FBLN5: variants seen among roughly 807,000 people sequenced by gnomAD.
FBLN5 encodes fibulin 5, also known as fibulin-5.
Under a neutral mutation model 61.6 loss-of-function variants are expected in FBLN5, and 24 were observed. That is an observed-to-expected ratio of 0.39 (90% CI 0.28 to 0.55). The LOEUF (loss-of-function observed/expected upper bound fraction) is 0.55. Among genes scored for constraint, FBLN5 ranks in the 20% least tolerant of loss-of-function variants. The pLI, the probability that FBLN5 is intolerant of heterozygous loss-of-function variation, is 0.65. For missense variants in FBLN5, 470 were observed against 594.1 expected, an observed-to-expected ratio of 0.79 and a Z score of 2.17; for synonymous variants, 213 against 219.8, an observed-to-expected ratio of 0.97 and a Z score of 0.27.
At chr14:91,877,458 T>A (rs764911206) in intron 10 of FBLN5, 29 bp downstream of exon 10, 1 of 1,570,062 alleles carries the variant, frequency 6.4e-7, no homozygotes. Context: ...CTGTTACAGA[T>A]GGCGTCCCCA....
intron 10 of FBLN5, among the ~76,000 whole-genome samples, chr14:91,871,167 T>TA (rs1290765918): frequency 6.9e-6 from 1 of 144,592 alleles, no homozygotes; most frequent in Admixed American, 7.0e-5. Context: ...ATAAAAGTTT[T>TA]AAAAAACGTT....
At chr14:91,895,628 G>A (rs568495952) in intron 4 of FBLN5, among the ~76,000 whole-genome samples, 12 of 151,494 alleles carry the variant, frequency 7.9e-5, no homozygotes, top group South Asian at 4.2e-4. Context: ...GTGAAACCCC[G>A]TCTCTACTAA....
rs2056200286 is a variant in FBLN5, at chr14:91,947,291, G to T, written c.-62C>A. The T allele has an allele frequency of 5.6e-6, 9 of 1,609,014 alleles. No individual in the cohort carries two copies. Among genetic ancestry groups the T allele is most frequent in the African/African-American group, 1.3e-5 (1 of 74,804 alleles). ...AGAAAGCTCGCGGGCGGGACCCCCG[G>T]AGGAGCTCGGGCACGTCGGCCTCCT... On this transcript the variant is annotated 5_prime_UTR_variant, in exon 1 of 11. Coordinates refer to ENST00000342058, the MANE Select transcript of FBLN5 (RefSeq NM_006329.4). This position sits in a 1 kb window ranked among gnomAD's most constrained non-coding sequence, Gnocchi z 4.3.
At position 91,919,346 on chromosome 14, in the gene FBLN5, A is replaced by G. The variant is rs1321675431; in HGVS notation, c.379+17601T>C. Among the ~76,000 whole-genome samples, 7 of 85,468 alleles carry G rather than the reference A, an allele frequency of 8.2e-5. 1 individual carries two copies. Among genetic ancestry groups the G allele is most frequent in the Admixed American group, 4.0e-4 (3 of 7,504 alleles). 56.1% of individuals were successfully genotyped at this position (85,468 alleles called of 152,430 possible). A position where few individuals can be genotyped will look rare whatever the true frequency, so the allele number is the denominator to read the frequency against. On this transcript the variant is annotated intron_variant, in intron 4 of 10. Transcript: ENST00000342058. Reference sequence around the variant, plus strand: ...ACTCTGTCTCAAAAAAAAGAAAAAAAAAAAGAAAAGAAAAGAAAAGAAAAG... The same window carrying G: ...ACTCTGTCTCAAAAAAAAGAAAAAAGAAAAGAAAAGAAAAGAAAAGAAAAG...
In FBLN5 at chr14:91,870,339, T is replaced by C. The variant is rs1233199832; in HGVS notation, c.1232A>G (p.Lys411Arg). 1.9e-6 allele frequency: 3 copies of C among 1,614,078 alleles called. No homozygotes were observed. The highest frequency in any genetic ancestry group is 1.3e-5 in the African/African-American group (1 of 75,068). ...GTCCAGCTGGATTTCCCGGGGCCCT[T>C]TGATGGGGCGTGTCATCACCAGGGT... is the stretch of plus-strand genomic sequence containing the variant. ...SATLVMTRPIKGPREIQLDLE... is the reference protein window; with the variant it reads ...SATLVMTRPIRGPREIQLDLE... The change falls in exon 11 of 11, where the codon AAA becomes AGA. Residue 411 changes from lysine to arginine, a missense_variant. Coordinates refer to ENST00000342058, the MANE Select transcript of FBLN5 (RefSeq NM_006329.4).
At chr14:91,918,640 T>C (rs965895131) in intron 4 of FBLN5, among the ~76,000 whole-genome samples, 1 of 152,194 alleles carries the variant, frequency 6.6e-6, no homozygotes, top group Non-Finnish European at 1.5e-5. Flanking sequence ...CTTGACTTTG[T>C]CTACGAGTGC....
intron 4 of FBLN5, among the ~76,000 whole-genome samples, chr14:91,918,799 G>C (rs528038413): frequency 6.6e-6 from 1 of 152,290 alleles, no homozygotes; most frequent in South Asian, 2.1e-4. Flanking sequence ...CTGCAAGACA[G>C]GAGATAGGGG....
chr14:91,944,266 C>G (rs1247479218), intron 1 of FBLN5, among the ~76,000 whole-genome samples: 2 of 152,166 alleles, frequency 1.3e-5, no homozygotes, highest in Non-Finnish European at 2.9e-5. Flanking sequence ...TACAAAATCT[C>G]TACTACTTCA....
intron 2 of FBLN5, chr14:91,942,204 G>T (rs1363793639): frequency 2.2e-6 from 1 of 455,728 alleles, no homozygotes; most frequent in Non-Finnish European, 4.4e-6. Context: ...CCAGGATGCT[G>T]CAAGCTTCTT....
At chr14:91,942,540 G>A (rs2056122007) in intron 2 of FBLN5, among the ~76,000 whole-genome samples, 1 of 152,228 alleles carries the variant, frequency 6.6e-6, no homozygotes, top group East Asian at 1.9e-4. Context: ...TGGATGCTGG[G>A]CTTAATACCT....
Position 91,897,122 on chromosome 14 carries a change from C to T in FBLN5, c.380-2050G>A, listed in dbSNP as rs919734689. Among the ~76,000 whole-genome samples, 25 of 152,094 alleles carry T rather than the reference C, an allele frequency of 1.6e-4. 1 individual carries two copies. The highest frequency in any genetic ancestry group is 4.8e-4 in the African/African-American group (20 of 41,418). On this transcript the variant is annotated intron_variant, in intron 4 of 10. Coordinates refer to ENST00000342058, the MANE Select transcript of FBLN5 (RefSeq NM_006329.4). The stretch of plus-strand genomic sequence containing the variant: ...TGGCTTTCCCTCCTCTAAACATGAA[C>T]GACCTCCAAGAACCTAGTGCCAAGA...
At chr14:91,907,138 G>A (rs1260088402) in intron 4 of FBLN5, among the ~76,000 whole-genome samples, 2 of 152,188 alleles carry the variant, frequency 1.3e-5, no homozygotes, top group African/African-American at 4.8e-5. Context: ...GTGAAGTGTG[G>A]CTATGTGACT....
intron 4 of FBLN5, among the ~76,000 whole-genome samples, chr14:91,904,377 A>G (rs928130254): frequency 1.3e-5 from 2 of 152,192 alleles, no homozygotes; most frequent in Non-Finnish European, 1.5e-5. Context: ...TCTAGTGGAC[A>G]TTGGCTGACA....
rs1890481907 is a variant in FBLN5, at chr14:91,902,235, C to T, written c.380-7163G>A. On this transcript the variant is annotated intron_variant, in intron 4 of 10. Coordinates refer to ENST00000342058, the MANE Select transcript of FBLN5 (RefSeq NM_006329.4). ...ATGTCCTGAGAGGAAGGGGACAAGT[C>T]ATGTCTAATGTCAATCTAGACATGG... Among the ~76,000 whole-genome samples, 3 of 150,996 alleles carry T rather than the reference C, an allele frequency of 2.0e-5. No individual in the cohort carries two copies. The South Asian group carries it at 6.3e-4, about 32-fold the overall frequency.
chr14:91,902,281 GTTT>G lies in FBLN5; in HGVS notation c.380-7212_380-7210del, dbSNP rs1555376457. 2.4e-3 allele frequency among the ~76,000 whole-genome samples: 69 copies of G among 29,072 alleles called. 1 individual carries two copies. Among genetic ancestry groups the G allele is most frequent in the Non-Finnish European group, 4.9e-3 (42 of 8,590 alleles). 19.1% of individuals were successfully genotyped at this position (29,072 alleles called of 152,430 possible). A position where few individuals can be genotyped will look rare whatever the true frequency, so the allele number is the denominator to read the frequency against. On this transcript the variant is annotated intron_variant, in intron 4 of 10. Coordinates refer to ENST00000342058, the MANE Select transcript of FBLN5 (RefSeq NM_006329.4). Reference sequence around the variant, plus strand: ...CATGGGTTTTTTTGTTTGTTTGTTTGTTTTTTTTTTTTTTTTTTCAAAAAGCCA... The same window carrying G: ...CATGGGTTTTTTTGTTTGTTTGTTTGTTTTTTTTTTTTTTTCAAAAAGCCA...
At chr14:91,942,442 A>G (rs2056120593) in intron 2 of FBLN5, among the ~76,000 whole-genome samples, 1 of 152,266 alleles carries the variant, frequency 6.6e-6, no homozygotes, top group Non-Finnish European at 1.5e-5. Flanking sequence ...GCCCAGAAAC[A>G]CTACAGCATA....
intron 3 of FBLN5, 71 bp from the exon 4 acceptor site, chr14:91,937,272 A>G (rs967100521): frequency 3.7e-5 from 60 of 1,600,938 alleles, no homozygotes; most frequent in Non-Finnish European, 4.9e-5. Context: ...ATTTAAGCAG[A>G]ACTCGGTACC....
intron 6 of FBLN5, among the ~76,000 whole-genome samples, chr14:91,889,659 G>T (rs560407554): frequency 1.3e-5 from 2 of 152,200 alleles, no homozygotes; most frequent in Non-Finnish European, 2.9e-5. Context: ...ATGCTCTAGC[G>T]TGTACAGCAC....
At chr14:91,944,359 G>A (rs2056152353) in intron 1 of FBLN5, among the ~76,000 whole-genome samples, 1 of 152,264 alleles carries the variant, frequency 6.6e-6, no homozygotes, top group Non-Finnish European at 1.5e-5. Flanking sequence ...CACTGTTGGT[G>A]TAAATATGGT....
Sources: gnomAD v4.1 joint callset for allele counts (sites outside exome capture counted in the v4.1 genomes callset) on GRCh38, gnomAD v4.1.1 for gene constraint, Gnocchi (gnomAD v3.1) non-coding constraint, MANE v1.5 for transcripts, NCBI Gene and HGNC (gene_info 2026-07-23, HGNC 2026-07-21) for gene names.